The following YTHDC1 variants were observed in gnomAD, a reference collection of about 807,000 sequenced individuals.
The protein encoded by YTHDC1 is YTH N6-methyladenosine RNA binding protein C1.
Under a neutral mutation model 107.0 loss-of-function variants are expected in YTHDC1, and 12 were observed. The observed-to-expected ratio is 0.11, with a 90% CI of 0.07 to 0.18. The LOEUF (loss-of-function observed/expected upper bound fraction) is 0.18. Among genes scored for constraint, YTHDC1 ranks in the 10% least tolerant of loss-of-function variants. YTHDC1 has a pLI of 1.00. For synonymous variants in YTHDC1, 280 were observed against 289.5 expected, an observed-to-expected ratio of 0.97 and a Z score of 0.33; for missense variants, 635 against 898.8, an observed-to-expected ratio of 0.71 and a Z score of 3.75.
intron 4 of YTHDC1, among the ~76,000 whole-genome samples, chr4:68,333,927 G>C (rs1441605852): frequency 6.6e-6 from 1 of 151,976 alleles, no homozygotes; most frequent in African/African-American, 2.4e-5. Context: ...GCTTGTTTTT[G>C]TGTCTTCTAT....
At position 68,330,266 on chromosome 4, in the gene YTHDC1, A is replaced by G; in HGVS notation, c.1167T>C (p.Leu389=). 1 of 1,606,026 alleles carries G rather than the reference A, an allele frequency of 6.2e-7. No homozygotes were observed. Among genetic ancestry groups the G allele is most frequent in the Non-Finnish European group, 8.5e-7 (1 of 1,176,212 alleles). The change falls in exon 8 of 17, where the codon CTT becomes CTC. Residue 389 remains leucine, a synonymous_variant. Coordinates refer to ENST00000344157, the MANE Select transcript of YTHDC1 (RefSeq NM_001031732.4). ...TAACACTCCTTGCAGATCTAAATGC[A>G]AGATTTAATTTCTTCTCATTTACAG... ...TLPVNEKKLN[L]AFRSARSVIL... is the part of the protein sequence containing the mutation.
intron 1 of YTHDC1, among the ~76,000 whole-genome samples, chr4:68,342,399 C>T (rs894509927): frequency 2.6e-5 from 4 of 151,914 alleles, no homozygotes; most frequent in African/African-American, 9.7e-5. Context: ...TCTCGTGTCC[C>T]AACAGAGACG....
chr4:68,324,931 T>C (rs1722819478), intron 9 of YTHDC1, among the ~76,000 whole-genome samples: 1 of 152,186 alleles, frequency 6.6e-6, no homozygotes, highest in South Asian at 2.1e-4. Context: ...AAAGATATCC[T>C]CTATTTTTAT....
chr4:68,346,958 G>A (rs1316331360), intron 1 of YTHDC1, among the ~76,000 whole-genome samples: 1 of 152,168 alleles, frequency 6.6e-6, no homozygotes, highest in Non-Finnish European at 1.5e-5. Flanking sequence ...GCTGGTAGAG[G>A]TTGGGGGTCA....
In YTHDC1 at chr4:68,311,668, C is replaced by T. The variant is rs891465506; in HGVS notation, c.*2431G>A. 6.6e-6 allele frequency: 1 copy of T among 152,134 alleles called. No homozygotes were observed. Among genetic ancestry groups the T allele is most frequent in the Admixed American group, 6.5e-5 (1 of 15,274 alleles). The allele number at this position is 152,134 out of a possible 1,614,324, so 9.4% of individuals were successfully genotyped here. A position where few individuals can be genotyped will look rare whatever the true frequency, so the allele number is the denominator to read the frequency against. On this transcript the variant is annotated 3_prime_UTR_variant, in exon 17 of 17. Coordinates refer to ENST00000344157, the MANE Select transcript of YTHDC1 (RefSeq NM_001031732.4). ...TTTTAAAAATTAGGAAAGGAGAAAA[C>T]AGTGATGATTATGTGAGCCAACAGA...
At chr4:68,324,445 A>T (rs1722766563) in intron 9 of YTHDC1, among the ~76,000 whole-genome samples, 1 of 152,228 alleles carries the variant, frequency 6.6e-6, no homozygotes, top group Non-Finnish European at 1.5e-5. Flanking sequence ...GAGAACCAAG[A>T]TAACTTGGGG....
At position 68,330,035 on chromosome 4, in the gene YTHDC1, A is replaced by G; in HGVS notation, c.1316T>C (p.Leu439Pro). 1 of 1,613,806 alleles carries G rather than the reference A, an allele frequency of 6.2e-7. No homozygotes were observed. The highest frequency in any genetic ancestry group is 8.5e-7 in the Non-Finnish European group (1 of 1,179,762). Residue 439 changes from leucine to proline, a missense_variant, in exon 9 of 17, where the codon CTG becomes CCG. Physicochemically the swap from Leu to Pro is moderately conservative, Grantham distance 98. Transcript: ENST00000344157. ...VLPAGMSAKM[L>P]GGVFKIDWIC... ...CCAGTCAATTTTAAAGACACCTCCCAGCATTTTAGCACTCATTCCTGCTGG... is the reference window on the plus strand; with the variant it reads ...CCAGTCAATTTTAAAGACACCTCCCGGCATTTTAGCACTCATTCCTGCTGG...
At chr4:68,315,982 C>G (rs1721812230) in intron 16 of YTHDC1, 1 of 169,302 alleles carries the variant, frequency 5.9e-6, no homozygotes, top group African/African-American at 2.4e-5. Flanking sequence ...ACAAAAAGTT[C>G]AGAAATATCT....
At chr4:68,329,462 G>C (rs62316046) in intron 9 of YTHDC1, among the ~76,000 whole-genome samples, 1 of 152,096 alleles carries the variant, frequency 6.6e-6, no homozygotes, top group Non-Finnish European at 1.5e-5. Flanking sequence ...TGTATGCCAC[G>C]TAAAGATCAC....
intron 1 of YTHDC1, among the ~76,000 whole-genome samples, chr4:68,346,059 G>A (rs1313824260): frequency 7.1e-6 from 1 of 140,210 alleles, no homozygotes; most frequent in African/African-American, 2.7e-5. Flanking sequence ...GCATGTGTGT[G>A]CACATGACTG....
At chr4:68,338,147 T>C in intron 2 of YTHDC1, 136 bp downstream of exon 2, 1 of 1,291,450 alleles carries the variant, frequency 7.7e-7, no homozygotes, top group Non-Finnish European at 1.1e-6. Flanking sequence ...TTCATATGGA[T>C]ACCAGTTTAT....
At chr4:68,338,249 T>A in intron 2 of YTHDC1, 34 bp downstream of exon 2, 1 of 1,546,710 alleles carries the variant, frequency 6.5e-7, no homozygotes. Flanking sequence ...ATTTATACTG[T>A]TATTTCAACA....
Position 68,324,162 on chromosome 4 carries a change from C to A in YTHDC1, c.1411G>T (p.Val471Leu). ...ACCTGTCCATCACGTCCGATCTTTA[C>A]TGGTTTATGTTCATTCCAAGGATTG... Reference protein sequence around the residue: ...LTNPWNEHKPVKIGRDGQEIE... With the variant: ...LTNPWNEHKPLKIGRDGQEIE... The change falls in exon 10 of 17, where the codon GTA becomes TTA. Residue 471 changes from valine (V) to leucine (L), a missense_variant. Physicochemically the swap from Val to Leu is conservative, Grantham distance 32 (BLOSUM62 1). Transcript: ENST00000344157. 1 of 1,613,800 alleles carries A rather than the reference C, an allele frequency of 6.2e-7. No individual in the cohort carries two copies. Among genetic ancestry groups the A allele is most frequent in the Non-Finnish European group, 8.5e-7 (1 of 1,179,854 alleles).
At chr4:68,331,573 A>T (rs2109713749) in intron 7 of YTHDC1, among the ~76,000 whole-genome samples, 1 of 152,272 alleles carries the variant, frequency 6.6e-6, no homozygotes, top group Non-Finnish European at 1.5e-5. Flanking sequence ...GAAAATTATT[A>T]TCTTACAACA....
intron 1 of YTHDC1, among the ~76,000 whole-genome samples, chr4:68,344,939 G>A (rs763308394): frequency 5.9e-5 from 9 of 152,142 alleles, no homozygotes; most frequent in Non-Finnish European, 1.3e-4. Flanking sequence ...GCTGAAGTGG[G>A]AGAATCACCA....
In YTHDC1 at chr4:68,337,227, T is replaced by C; in HGVS notation, c.683A>G (p.Asp228Gly). Residue 228 changes from aspartate (D) to glycine (G), a missense_variant, in exon 4 of 17, where the codon GAT becomes GGT. Coordinates refer to ENST00000344157, the MANE Select transcript of YTHDC1 (RefSeq NM_001031732.4). ...CTCCTCTTCCTCCTCCTCCTCTCCA[T>C]CTTCATCCACCTCTTCATCTTCTTC... Reference protein sequence around the residue: ...DAEEDEEVDEDGEEEEEEEEE... With the variant: ...DAEEDEEVDEGGEEEEEEEEE... 6.2e-7 allele frequency: 1 copy of C among 1,604,072 alleles called. No homozygotes were observed. The highest frequency in any genetic ancestry group is 8.5e-7 in the Non-Finnish European group (1 of 1,171,996).
rs754187947 is a variant in YTHDC1, at chr4:68,313,283, C to T, written c.*816G>A. The T allele has an allele frequency of 1.3e-5, 2 of 152,406 alleles. No homozygotes were observed. The highest frequency in any genetic ancestry group is 2.9e-5 in the Non-Finnish European group (2 of 67,970). The allele number at this position is 152,406 out of a possible 1,614,324, so 9.4% of individuals were successfully genotyped here. On this transcript the variant is annotated 3_prime_UTR_variant, in exon 17 of 17. Transcript: ENST00000344157. ...TTATGTCCATTATTGCATAATAAAA[C>T]AAACCTGCAATTGGATAAGAAAAAG... is the stretch of plus-strand genomic sequence containing the variant.
intron 3 of YTHDC1, 56 bp downstream of exon 3, chr4:68,337,516 T>G (rs1335484425): frequency 6.3e-7 from 1 of 1,587,646 alleles, no homozygotes; most frequent in African/African-American, 1.4e-5. Flanking sequence ...AATAAACAGT[T>G]CTAAAGCCTC....
chr4:68,327,557 CTGA>C (rs1453531746), intron 9 of YTHDC1, among the ~76,000 whole-genome samples: 1 of 152,094 alleles, frequency 6.6e-6, no homozygotes, highest in Non-Finnish European at 1.5e-5. Flanking sequence ...TCAGATGCTA[CTGA>C]TGTAAGTGAT....
Sources: allele counts gnomAD v4.1 joint callset (sites outside exome capture counted in the v4.1 genomes callset), GRCh38; gene constraint gnomAD v4.1.1; transcripts MANE v1.5; gene names NCBI Gene and HGNC (gene_info 2026-07-23, HGNC 2026-07-21).